PLEKHG5: variants seen among roughly 807,000 people sequenced by gnomAD.
PLEKHG5 encodes the protein pleckstrin homology domain-containing family G member 5.
PLEKHG5 carries 52 observed loss-of-function variants against 103.8 expected under a neutral mutation model. The ratio of observed to expected loss-of-function variants is 0.50; its 90% CI spans 0.40 to 0.63. The LOEUF (loss-of-function observed/expected upper bound fraction) is 0.63. Ranked by LOEUF, PLEKHG5 falls within the 30% of genes least tolerant of loss-of-function variation. The pLI is 0.00. For missense variants in PLEKHG5, 1,205 were observed against 1,347.6 expected (o/e 0.89, Z 1.66); for synonymous variants, 592 against 575.5 (o/e 1.03, Z -0.41).
At chr1:6,514,650 A>T (rs1308438696) in intron 1 of PLEKHG5, among the ~76,000 whole-genome samples, 1 of 150,142 alleles carries the variant, frequency 6.7e-6, no homozygotes, top group East Asian at 2.0e-4. Context: ...AATCCCAGGT[A>T]CTCGGGAGGC....
At chr1:6,502,779 G>A (rs1335632054) in intron 1 of PLEKHG5, among the ~76,000 whole-genome samples, 1 of 152,240 alleles carries the variant, frequency 6.6e-6, no homozygotes, top group Non-Finnish European at 1.5e-5. Flanking sequence ...CCCGGCCAGG[G>A]TCTGGCTGGC....
In PLEKHG5 at chr1:6,490,535, G is replaced by T; in HGVS notation, c.-88+1102C>A. The T allele has an allele frequency of 4.1e-6, 4 of 985,476 alleles. No individual in the cohort carries two copies. Among genetic ancestry groups the T allele is most frequent in the South Asian group, 4.7e-5 (1 of 21,292 alleles). 61.0% of individuals were successfully genotyped at this position (985,476 alleles called of 1,614,324 possible). ...AAGCCTCATGGGGCGCGCGGGGAGA[G>T]GGGGACGGGAGCCGCGGGACGGGCT... On this transcript the variant is annotated intron_variant, in intron 1 of 20. Transcript: ENST00000377728. This position sits in a 1 kb window ranked among gnomAD's most constrained non-coding sequence, Gnocchi z 8.0.
chr1:6,514,693 G>A (rs1461833260), intron 1 of PLEKHG5, among the ~76,000 whole-genome samples: 1 of 150,810 alleles, frequency 6.6e-6, no homozygotes, highest in Non-Finnish European at 1.5e-5. Context: ...CCCGGGAGGC[G>A]GAGGTTGCAG....
rs59117380 is a variant in PLEKHG5 at position 6,474,095 on chromosome 1, G to A, written c.509C>T (p.Pro170Leu). 2.8e-4 allele frequency: 446 copies of A among 1,613,210 alleles called. 1 individual carries two copies. In the African/African-American group the frequency reaches 4.9e-3, roughly 18 times the overall value. The part of the protein sequence containing the change: ...GMKDSKSLSL[P>L]ILRPAGTGPP... ...CCCGGTCCCAGCTGGCCGCAGAATCGGCAAACTCAGGGACTTGGAGTCCTT... is the reference window on the plus strand; with the variant it reads ...CCCGGTCCCAGCTGGCCGCAGAATCAGCAAACTCAGGGACTTGGAGTCCTT... The change falls in exon 7 of 21, where the codon CCG becomes CTG. Residue 170 changes from proline to leucine, a missense_variant. Coordinates refer to ENST00000377728, the MANE Select transcript of PLEKHG5 (RefSeq NM_020631.6).
At chr1:6,471,336 C>T in intron 12 of PLEKHG5, 152 bp downstream of exon 12, 1 of 955,686 alleles carries the variant, frequency 1.0e-6, no homozygotes, top group Non-Finnish European at 1.5e-6. Context: ...GCGACCGCCT[C>T]GTAATTCCTC....
At chr1:6,478,871 T>C (rs1249448942) in intron 1 of PLEKHG5, among the ~76,000 whole-genome samples, 2 of 152,118 alleles carry the variant, frequency 1.3e-5, no homozygotes, top group Non-Finnish European at 2.9e-5. Flanking sequence ...ATTGAACTCC[T>C]GGTCTCAGGT....
chr1:6,499,275 G>GT (rs1645269226), upstream of PLEKHG5, among the ~76,000 whole-genome samples: 1 of 152,208 alleles, frequency 6.6e-6, no homozygotes, highest in African/African-American at 2.4e-5. Flanking sequence ...GACTGCTCAG[G>GT]TCACAGCCAC....
intron 1 of PLEKHG5, among the ~76,000 whole-genome samples, chr1:6,513,372 C>A (rs1340151356): frequency 6.6e-6 from 1 of 152,248 alleles, no homozygotes; most frequent in Non-Finnish European, 1.5e-5. Flanking sequence ...GCCCAGAGGG[C>A]AGCCCACATG....
At chr1:6,519,344 AGT>A in intron 1 of PLEKHG5, 2 of 901,468 alleles carry the variant, frequency 2.2e-6, no homozygotes, top group African/African-American at 1.6e-5. Context: ...TAATTCAGTG[AGT>A]GTGAGTCCTT....
intron 3 of PLEKHG5, 26 bp from the exon 4 acceptor site, chr1:6,475,548 G>A (rs1435975160): frequency 3.1e-6 from 5 of 1,606,680 alleles, no homozygotes; most frequent in Admixed American, 1.7e-5. Context: ...GAGGGCAGAG[G>A]CTGGAGGTGT....
chr1:6,492,377 G>A (rs1449618158), upstream of PLEKHG5, among the ~76,000 whole-genome samples: 1 of 152,108 alleles, frequency 6.6e-6, no homozygotes, highest in East Asian at 1.9e-4. Flanking sequence ...CAAGGAGCTG[G>A]GGAGTCCACA....
chr1:6,472,328 A>C (rs567859939), intron 10 of PLEKHG5, among the ~76,000 whole-genome samples, 199 bp downstream of exon 10: 1 of 152,244 alleles, frequency 6.6e-6, no homozygotes, highest in Admixed American at 6.5e-5. Context: ...AATTCAGCTG[A>C]ACCTGACAAA....
At chr1:6,489,458 C>T (rs1159242208) in intron 1 of PLEKHG5, among the ~76,000 whole-genome samples, 2 of 152,220 alleles carry the variant, frequency 1.3e-5, no homozygotes, top group Non-Finnish European at 2.9e-5. Context: ...CCCTGGAAGC[C>T]AGGAAGGCCC....
chr1:6,468,903 G>C (rs957257272), intron 19 of PLEKHG5, 139 bp downstream of exon 19: 1 of 791,114 alleles, frequency 1.3e-6, no homozygotes. Flanking sequence ...CCCGGACTCT[G>C]GGGGAGACAG....
chr1:6,496,011 G>A (rs1645218804), upstream of PLEKHG5, among the ~76,000 whole-genome samples: 2 of 152,108 alleles, frequency 1.3e-5, no homozygotes, highest in Non-Finnish European at 2.9e-5. Context: ...GGATCAACTG[G>A]CCCCTTCCTC....
intron 1 of PLEKHG5, among the ~76,000 whole-genome samples, chr1:6,516,384 G>A (rs1349068750): frequency 4.6e-5 from 7 of 152,188 alleles, no homozygotes; most frequent in East Asian, 1.9e-4. Context: ...GAGGCCAGGC[G>A]CAGTGACTCA....
Position 6,468,195 on chromosome 1 carries a change from T to C in PLEKHG5, c.2641A>G (p.Ser881Gly), listed in dbSNP as rs374340207. 9 of 1,572,986 alleles carry C rather than the reference T, an allele frequency of 5.7e-6. No homozygotes were observed. The highest frequency in any genetic ancestry group is 2.3e-5 in the East Asian group (1 of 44,388). The change falls in exon 20 of 21, where the codon AGC (serine) becomes GGC (glycine). Residue 881 changes from serine (S) to glycine (G), a missense_variant. Transcript: ENST00000377728. Reference protein sequence around the residue: ...PHLLKSKSEASLLQLLAGAGT... With the variant: ...PHLLKSKSEAGLLQLLAGAGT... ...GCCCCTGCCAGCAGCTGGAGGAGGC[T>C]GGCCTCGGACTTAGACTTGAGCAGG...
chr1:6,518,317 T>C (rs907551733), intron 1 of PLEKHG5, among the ~76,000 whole-genome samples: 3 of 150,960 alleles, frequency 2.0e-5, no homozygotes, highest in African/African-American at 7.3e-5. Context: ...TCCCAGCACT[T>C]TGGGAGGCCG....
At chr1:6,479,323 G>A (rs1290842010) in intron 1 of PLEKHG5, among the ~76,000 whole-genome samples, 2 of 124,610 alleles carry the variant, frequency 1.6e-5, no homozygotes, top group African/African-American at 3.1e-5. Flanking sequence ...GTCTCGCTCT[G>A]TCGCCCAGGC....
Sources: gnomAD v4.1 joint callset for allele counts (sites outside exome capture counted in the v4.1 genomes callset) on GRCh38, gnomAD v4.1.1 for gene constraint, Gnocchi (gnomAD v3.1) non-coding constraint, MANE v1.5 for transcripts, NCBI Gene and HGNC (gene_info 2026-07-23, HGNC 2026-07-21) for gene names.